The following METTL16 variants were observed in gnomAD, a reference collection of about 807,000 sequenced individuals.
METTL16 encodes the protein methyltransferase 16, RNA N6-adenosine, also known as RNA N(6)-adenosine-methyltransferase METTL16.
In METTL16, 19 loss-of-function variants were observed where a neutral mutation model predicts 57.9. The observed-to-expected ratio is 0.33, with a 90% CI of 0.23 to 0.48. The LOEUF (loss-of-function observed/expected upper bound fraction) is 0.48. METTL16 is among the 20% of genes least tolerant of loss of function. METTL16 has a pLI of 0.99. For missense variants in METTL16, 434 were observed against 691.5 expected (o/e 0.63, Z 4.18); for synonymous variants, 246 against 255.6 (o/e 0.96, Z 0.36).
intron 4 of METTL16, 129 bp downstream of exon 4, chr17:2,473,394 CA>C: frequency 1.0e-6 from 1 of 953,180 alleles, no homozygotes; most frequent in Non-Finnish European, 1.5e-6. Context: ...ACAGCAAACC[CA>C]ATTACAAAGT....
chr17:2,430,607 A>T (rs1341540916), intron 8 of METTL16, among the ~76,000 whole-genome samples: 1 of 151,296 alleles, frequency 6.6e-6, no homozygotes, highest in Non-Finnish European at 1.5e-5. Flanking sequence ...TTTAGTAGAG[A>T]CGGGGTTTCA....
chr17:2,457,486 A>AACAC (rs2067120029), intron 6 of METTL16, among the ~76,000 whole-genome samples: 1 of 151,998 alleles, frequency 6.6e-6, no homozygotes, highest in African/African-American at 2.4e-5. Flanking sequence ...GCAGGCGGAT[A>AACAC]ACCTGAGGTC....
At chr17:2,473,284 T>C (rs2067246907) in intron 4 of METTL16, among the ~76,000 whole-genome samples, 1 of 152,112 alleles carries the variant, frequency 6.6e-6, no homozygotes, top group Non-Finnish European at 1.5e-5. Flanking sequence ...AATGGATAAA[T>C]AAATAAATTT....
intron 1 of METTL16, among the ~76,000 whole-genome samples, chr17:2,507,899 A>G (rs9896948): frequency 0.85 from 129,279 of 152,120 alleles, 55,678 homozygotes; most frequent in Non-Finnish European, 0.93. Flanking sequence ...GGTGCAAGAT[A>G]TGCTTTGTTA....
intron 8 of METTL16, among the ~76,000 whole-genome samples, chr17:2,436,058 G>A (rs1555615919): frequency 6.6e-6 from 1 of 152,156 alleles, no homozygotes; most frequent in Non-Finnish European, 1.5e-5. Flanking sequence ...TCCACCTGCA[G>A]CGCCGACACA....
At chr17:2,475,843 T>C (rs987007935) in intron 3 of METTL16, among the ~76,000 whole-genome samples, 2 of 152,216 alleles carry the variant, frequency 1.3e-5, no homozygotes, top group African/African-American at 4.8e-5. Flanking sequence ...TTGTGAAGAA[T>C]TGAAATCCAT....
chr17:2,495,030 AT>A (rs971213833), intron 2 of METTL16, among the ~76,000 whole-genome samples: 8 of 151,478 alleles, frequency 5.3e-5, no homozygotes, highest in Non-Finnish European at 1.2e-4. Flanking sequence ...TCTGGAAAAG[AT>A]TCAGCATTCT....
intron 2 of METTL16, among the ~76,000 whole-genome samples, chr17:2,482,807 C>T (rs370302546): frequency 1.6e-4 from 24 of 152,192 alleles, no homozygotes; most frequent in East Asian, 7.7e-4. Flanking sequence ...GTCCCCGCTA[C>T]GCAGGAGGCA....
intron 2 of METTL16, among the ~76,000 whole-genome samples, chr17:2,478,551 A>G (rs925354426): frequency 3.3e-5 from 5 of 152,218 alleles, no homozygotes; most frequent in African/African-American, 1.2e-4. Flanking sequence ...AGTTTCTAGT[A>G]TATTAACAGA....
At chr17:2,459,687 C>T (rs2067135618) in intron 6 of METTL16, among the ~76,000 whole-genome samples, 1 of 152,142 alleles carries the variant, frequency 6.6e-6, no homozygotes, top group Non-Finnish European at 1.5e-5. Flanking sequence ...GTTGTATAAA[C>T]ATTATGATGT....
intron 6 of METTL16, among the ~76,000 whole-genome samples, chr17:2,448,780 AT>A (rs1482467942): frequency 0.046 from 5,055 of 110,958 alleles, 251 homozygotes; most frequent in South Asian, 0.064. Flanking sequence ...AAATAAAAAA[AT>A]AAAAAAATAA....
intron 1 of METTL16, among the ~76,000 whole-genome samples, chr17:2,509,495 T>C (rs76851296): frequency 4.0e-4 from 61 of 152,278 alleles, no homozygotes; most frequent in African/African-American, 1.4e-3. Context: ...CAAGGATAGC[T>C]TGAGCCCAGG....
intron 2 of METTL16, among the ~76,000 whole-genome samples, chr17:2,485,060 G>A (rs2067331682): frequency 6.6e-6 from 1 of 152,158 alleles, no homozygotes; most frequent in Non-Finnish European, 1.5e-5. Context: ...CACAGCAGGA[G>A]GTGAGAGGCA....
At chr17:2,447,545 G>A (rs1159458434) in intron 6 of METTL16, among the ~76,000 whole-genome samples, 3 of 118,672 alleles carry the variant, frequency 2.5e-5, no homozygotes, top group Non-Finnish European at 5.0e-5. Context: ...GAGCCCCTCT[G>A]CCTGGCCAGT....
At chr17:2,493,718 CA>C (rs112843722) in intron 2 of METTL16, among the ~76,000 whole-genome samples, 36 of 128,818 alleles carry the variant, frequency 2.8e-4, no homozygotes, top group East Asian at 4.7e-4. Flanking sequence ...GACTCTGTCT[CA>C]AAAAAAAAAA....
chr17:2,448,809 A>T (rs866747827), intron 6 of METTL16, among the ~76,000 whole-genome samples: 96 of 138,806 alleles, frequency 6.9e-4, no homozygotes, highest in African/African-American at 2.5e-3. Flanking sequence ...ATTTAAAAAA[A>T]AAAAAAAAAA....
At chr17:2,457,630 C>A (rs2067121073) in intron 6 of METTL16, among the ~76,000 whole-genome samples, 1 of 151,176 alleles carries the variant, frequency 6.6e-6, no homozygotes, top group South Asian at 2.1e-4. Context: ...ATTGCTTAAA[C>A]CTAGGAGACG....
chr17:2,499,029 A>G (rs1248332295), intron 2 of METTL16, among the ~76,000 whole-genome samples: 2 of 151,548 alleles, frequency 1.3e-5, no homozygotes, highest in African/African-American at 4.9e-5. Context: ...AACACAACCA[A>G]GAGACCATTT....
At chr17:2,485,512 G>A (rs2067335119) in intron 2 of METTL16, among the ~76,000 whole-genome samples, 1 of 152,082 alleles carries the variant, frequency 6.6e-6, no homozygotes, top group Non-Finnish European at 1.5e-5. Flanking sequence ...CTACTCAATT[G>A]TAAACAGTAG....
Sources: allele counts gnomAD v4.1 joint callset (sites outside exome capture counted in the v4.1 genomes callset), GRCh38; gene constraint gnomAD v4.1.1; transcripts MANE v1.5; gene names NCBI Gene and HGNC (gene_info 2026-07-23, HGNC 2026-07-21).